The following LDLRAD4 variants were observed in gnomAD, a reference collection of about 807,000 sequenced individuals.
LDLRAD4 encodes low density lipoprotein receptor class A domain containing 4, also known as low-density lipoprotein receptor class A domain-containing protein 4.
LDLRAD4 carries 5 observed loss-of-function variants against 17.0 expected under a neutral mutation model. That is an observed-to-expected ratio of 0.29 (90% CI 0.15 to 0.62). The LOEUF (loss-of-function observed/expected upper bound fraction) is 0.62. Ranked by LOEUF, LDLRAD4 falls within the 20% of genes least tolerant of loss-of-function variation. LDLRAD4 has a pLI of 0.84. For missense variants in LDLRAD4, 340 were observed against 424.7 expected, an observed-to-expected ratio of 0.80 and a Z score of 1.75; for synonymous variants, 168 against 171.8, an observed-to-expected ratio of 0.98 and a Z score of 0.17.
chr18:13,490,542 T>A (rs1648616), intron 3 of LDLRAD4: 1 of 152,194 alleles, frequency 6.6e-6, no homozygotes, highest in Non-Finnish European at 1.5e-5. Flanking sequence ...TATCCTTTTG[T>A]GAGGTTTTTA....
At chr18:13,218,845 C>A in exon 1 of LDLRAD4, 1 of 153,140 alleles carries the variant, frequency 6.5e-6, no homozygotes, top group Non-Finnish European at 1.5e-5. Flanking sequence ...CTGCCCCTCA[C>A]CTTGGAATAA....
intron 1 of LDLRAD4, among the ~76,000 whole-genome samples, chr18:13,270,169 G>A (rs2044447557): frequency 6.6e-6 from 1 of 152,060 alleles, no homozygotes; most frequent in Non-Finnish European, 1.5e-5. Flanking sequence ...TTGAGACCAG[G>A]CTGGGCAACA....
At chr18:13,532,312 A>T (rs930629089) in intron 3 of LDLRAD4, among the ~76,000 whole-genome samples, 2 of 152,222 alleles carry the variant, frequency 1.3e-5, no homozygotes, top group Non-Finnish European at 2.9e-5. Flanking sequence ...GTGACTATAC[A>T]TTCAAGATTG....
At chr18:13,287,923 G>A (rs2045724551) in intron 1 of LDLRAD4, among the ~76,000 whole-genome samples, 1 of 152,182 alleles carries the variant, frequency 6.6e-6, no homozygotes, top group African/African-American at 2.4e-5. Context: ...AAATGTACCT[G>A]CATAACTAGT....
intron 3 of LDLRAD4, among the ~76,000 whole-genome samples, chr18:13,593,533 AT>A (rs2095054068): frequency 6.6e-6 from 1 of 151,860 alleles, no homozygotes; most frequent in South Asian, 2.1e-4. Context: ...CCTATTTTCT[AT>A]TTTGTTTATT....
intron 2 of LDLRAD4, among the ~76,000 whole-genome samples, chr18:13,437,606 A>G (rs1487680436): frequency 6.6e-6 from 1 of 152,220 alleles, no homozygotes; most frequent in African/African-American, 2.4e-5. Flanking sequence ...ATAGTTCACC[A>G]GCATGGCCCT....
intron 3 of LDLRAD4, among the ~76,000 whole-genome samples, chr18:13,558,895 C>G (rs1183315757): frequency 2.9e-5 from 3 of 103,600 alleles, no homozygotes; most frequent in Non-Finnish European, 5.9e-5. Context: ...CCCCCTGCCC[C>G]TCTACAAGAG....
intron 1 of LDLRAD4, among the ~76,000 whole-genome samples, chr18:13,356,309 C>G (rs2083339681): frequency 6.6e-6 from 1 of 152,220 alleles, no homozygotes; most frequent in Admixed American, 6.5e-5. Context: ...GCAGCAGGCG[C>G]CCGCAGCTCT....
chr18:13,350,018 G>A (rs1386186011), intron 1 of LDLRAD4, among the ~76,000 whole-genome samples: 2 of 152,040 alleles, frequency 1.3e-5, no homozygotes, highest in Non-Finnish European at 2.9e-5. Flanking sequence ...CACATTTTCT[G>A]TATCCAGTCT....
intron 3 of LDLRAD4, among the ~76,000 whole-genome samples, chr18:13,509,949 G>T (rs1473202147): frequency 1.3e-5 from 2 of 152,170 alleles, no homozygotes; most frequent in Non-Finnish European, 2.9e-5. Flanking sequence ...TTTGATTTAA[G>T]GTATGTACCT....
intron 1 of LDLRAD4, among the ~76,000 whole-genome samples, chr18:13,324,635 C>T (rs7234675): frequency 0.3 from 45,132 of 151,770 alleles, 6,793 homozygotes; most frequent in East Asian, 0.39. Context: ...GAGGGGCTGG[C>T]GTGGGCTGCT....
rs182912333 is a variant in LDLRAD4, at chr18:13,387,545, C to T, written c.-178C>T. The T allele has an allele frequency of 5.7e-3, 3,388 of 595,370 alleles. 61 individuals carry two copies. The highest frequency in any genetic ancestry group is 0.039 in the South Asian group (2,111 of 53,622). The allele number at this position is 595,370 out of a possible 1,614,324, so 36.9% of individuals were successfully genotyped here. On this transcript the variant is annotated 5_prime_UTR_variant, in exon 2 of 6. Transcript: ENST00000359446. ...GGACCGCCGCCGCCCAGGTGCCACA[C>T]CCAGGTACCGCCCGCCCGCGCGAGA...
chr18:13,596,564 T>C (rs1408474582), intron 3 of LDLRAD4, among the ~76,000 whole-genome samples: 1 of 152,212 alleles, frequency 6.6e-6, no homozygotes, highest in Admixed American at 6.5e-5. Flanking sequence ...TTTACTCCAA[T>C]ATAGCTGTTT....
At chr18:13,269,837 TG>T (rs1239368638) in intron 1 of LDLRAD4, among the ~76,000 whole-genome samples, 1 of 152,220 alleles carries the variant, frequency 6.6e-6, no homozygotes, top group Non-Finnish European at 1.5e-5. Context: ...GGTATCCCCT[TG>T]GATGTTCTGT....
At chr18:13,598,798 T>C (rs2095125124) in intron 3 of LDLRAD4, among the ~76,000 whole-genome samples, 2 of 152,232 alleles carry the variant, frequency 1.3e-5, no homozygotes, top group African/African-American at 4.8e-5. Flanking sequence ...TCTGAGTTGA[T>C]GCTCCACAGC....
intron 1 of LDLRAD4, among the ~76,000 whole-genome samples, chr18:13,366,653 G>C (rs886605043): frequency 6.6e-6 from 1 of 152,160 alleles, no homozygotes; most frequent in African/African-American, 2.4e-5. Flanking sequence ...TCTGGATTCT[G>C]TCTTTGGTCT....
intron 1 of LDLRAD4, among the ~76,000 whole-genome samples, chr18:13,225,723 A>G (rs1369146734): frequency 2.0e-5 from 3 of 152,230 alleles, no homozygotes; most frequent in East Asian, 1.9e-4. Context: ...GAAATTATCT[A>G]TGATCTCACT....
At chr18:13,290,137 T>C (rs2045882358) in intron 1 of LDLRAD4, among the ~76,000 whole-genome samples, 1 of 152,210 alleles carries the variant, frequency 6.6e-6, no homozygotes, top group Admixed American at 6.5e-5. Flanking sequence ...TCCCCTTTGC[T>C]GATGGGGCAC....
intron 3 of LDLRAD4, among the ~76,000 whole-genome samples, chr18:13,600,124 A>G (rs2095144140): frequency 6.6e-6 from 1 of 152,230 alleles, no homozygotes; most frequent in Non-Finnish European, 1.5e-5. Context: ...TAATTTTATT[A>G]TACAATTTTT....
Sources: gnomAD v4.1 joint callset for allele counts (sites outside exome capture counted in the v4.1 genomes callset) on GRCh38, gnomAD v4.1.1 for gene constraint, MANE v1.5 for transcripts, NCBI Gene and HGNC (gene_info 2026-07-23, HGNC 2026-07-21) for gene names.